CTNNA2: variants seen among roughly 807,000 people sequenced by gnomAD.
CTNNA2 encodes the protein catenin alpha 2, also known as catenin alpha-2.
CTNNA2 carries 42 observed loss-of-function variants against 101.0 expected under a neutral mutation model. The ratio of observed to expected loss-of-function variants is 0.42; its 90% CI spans 0.32 to 0.54. CTNNA2 has a LOEUF of 0.54. CTNNA2 is among the 20% of genes least tolerant of loss of function. The pLI is 0.14. For missense variants in CTNNA2, 871 were observed against 1,223.1 expected, an observed-to-expected ratio of 0.71 and a Z score of 4.29; for synonymous variants, 450 against 456.4, an observed-to-expected ratio of 0.99 and a Z score of 0.18.
At chr2:80,367,523 T>TTTTTA (rs994715673) in intron 7 of CTNNA2, among the ~76,000 whole-genome samples, 1 of 152,040 alleles carries the variant, frequency 6.6e-6, no homozygotes, top group Non-Finnish European at 1.5e-5. Flanking sequence ...TTTGTTTTAT[T>TTTTTA]TTTTATTTTA....
chr2:80,007,329 C>T (rs555141427), intron 7 of CTNNA2, among the ~76,000 whole-genome samples: 42 of 152,052 alleles, frequency 2.8e-4, no homozygotes, highest in Non-Finnish European at 5.1e-4. Context: ...TTTTCCAATT[C>T]CATCAAAACT....
intron 15 of CTNNA2, among the ~76,000 whole-genome samples, chr2:80,589,903 T>TGC (rs70940089): frequency 0.14 from 20,300 of 143,804 alleles, 1,454 homozygotes; most frequent in Admixed American, 0.16. Flanking sequence ...TGTGTGTGTG[T>TGC]GTGCGCGCGC....
At chr2:80,560,553 C>G (rs543908642) in intron 12 of CTNNA2, among the ~76,000 whole-genome samples, 19 of 152,244 alleles carry the variant, frequency 1.2e-4, no homozygotes, top group Non-Finnish European at 2.5e-4. Context: ...TTGGCATAAG[C>G]AATTATTGCC....
chr2:80,260,450 T>G (rs1441207514), intron 7 of CTNNA2, among the ~76,000 whole-genome samples: 1 of 150,494 alleles, frequency 6.6e-6, no homozygotes, highest in Non-Finnish European at 1.5e-5. Context: ...ATGGTTTGAC[T>G]GAAATGGTAA....
At chr2:79,731,374 T>G (rs1395787903) in intron 2 of CTNNA2, among the ~76,000 whole-genome samples, 1 of 152,100 alleles carries the variant, frequency 6.6e-6, no homozygotes, top group Non-Finnish European at 1.5e-5. Flanking sequence ...CAAATGTGGT[T>G]GATATCTGTT....
intron 2 of CTNNA2, among the ~76,000 whole-genome samples, chr2:79,703,958 TAA>T (rs903408816): frequency 9.2e-5 from 14 of 151,480 alleles, no homozygotes; most frequent in African/African-American, 3.4e-4. Context: ...ATTTATGTGA[TAA>T]GTTTATATCT....
chr2:79,999,419 G>A (rs1391921074), intron 7 of CTNNA2, among the ~76,000 whole-genome samples: 1 of 152,150 alleles, frequency 6.6e-6, no homozygotes, highest in African/African-American at 2.4e-5. Flanking sequence ...GCCCACAGTG[G>A]CAGGTGCAAA....
intron 6 of CTNNA2, among the ~76,000 whole-genome samples, chr2:79,897,451 A>T (rs558427980): frequency 6.6e-6 from 1 of 152,270 alleles, no homozygotes; most frequent in East Asian, 1.9e-4. Flanking sequence ...AAAAATAGCT[A>T]TTTGAAATGA....
chr2:79,515,169 C>T (rs1046051944), intron 1 of CTNNA2, among the ~76,000 whole-genome samples: 1 of 152,130 alleles, frequency 6.6e-6, no homozygotes, highest in African/African-American at 2.4e-5. Flanking sequence ...GGTTGAATTA[C>T]CAGTGTTACC....
intron 9 of CTNNA2, among the ~76,000 whole-genome samples, chr2:80,425,423 A>G (rs1054378640): frequency 6.6e-6 from 1 of 152,222 alleles, no homozygotes; most frequent in African/African-American, 2.4e-5. Context: ...ATCAATAAAA[A>G]CAGTTCTGAC....
chr2:80,132,822 A>G (rs909972235), intron 7 of CTNNA2, among the ~76,000 whole-genome samples: 2 of 152,188 alleles, frequency 1.3e-5, no homozygotes, highest in Admixed American at 1.3e-4. Context: ...AAAAAGAAAA[A>G]ATAAGTGATT....
intron 4 of CTNNA2, among the ~76,000 whole-genome samples, chr2:79,867,467 T>C (rs1200405621): frequency 2.0e-5 from 3 of 152,092 alleles, no homozygotes; most frequent in Non-Finnish European, 4.4e-5. Flanking sequence ...CAGACTTTAG[T>C]TCCATTTCCT....
intron 7 of CTNNA2, among the ~76,000 whole-genome samples, chr2:80,141,284 A>C (rs1370429960): frequency 6.6e-6 from 1 of 151,900 alleles, no homozygotes; most frequent in African/African-American, 2.4e-5. Flanking sequence ...CGGAGGCCAC[A>C]ATTCAACATG....
chr2:80,644,704 CTTA>C (rs1673873013), intron 18 of CTNNA2, among the ~76,000 whole-genome samples: 1 of 152,090 alleles, frequency 6.6e-6, no homozygotes, highest in Non-Finnish European at 1.5e-5. Flanking sequence ...TTAAATTGGG[CTTA>C]TTGTTTGTGG....
In CTNNA2 at chr2:79,598,561, G is replaced by A. The variant is rs144656361; in HGVS notation, c.-5-52991G>A. Among the ~76,000 whole-genome samples, 14 of 152,308 alleles carry A rather than the reference G, an allele frequency of 9.2e-5. No individual in the cohort carries two copies. The East Asian group carries it at 1.9e-3, about 21-fold the overall frequency. ...AATTTGCAATTCCCTGATGACATACGATGTGGAGCATCTTTTCATATGCTT... is the reference window on the plus strand; with the variant it reads ...AATTTGCAATTCCCTGATGACATACAATGTGGAGCATCTTTTCATATGCTT... On this transcript the variant is annotated intron_variant, in intron 1 of 18. Coordinates refer to ENST00000402739, the MANE Select transcript of CTNNA2 (RefSeq NM_001282597.3).
intron 9 of CTNNA2, among the ~76,000 whole-genome samples, chr2:80,505,510 A>G (rs1014999679): frequency 6.6e-6 from 1 of 152,202 alleles, no homozygotes; most frequent in Non-Finnish European, 1.5e-5. Context: ...CATATCAACA[A>G]TTGTCCACTT....
At chr2:79,791,770 C>T (rs935360803) in intron 3 of CTNNA2, among the ~76,000 whole-genome samples, 5 of 152,174 alleles carry the variant, frequency 3.3e-5, no homozygotes, top group African/African-American at 1.2e-4. Context: ...AGGAGACATC[C>T]TCCAGGTACT....
intron 9 of CTNNA2, among the ~76,000 whole-genome samples, chr2:80,534,410 G>C (rs536402824): frequency 6.7e-4 from 102 of 152,294 alleles, no homozygotes; most frequent in African/African-American, 2.1e-3. Context: ...TCATAGAACT[G>C]AGTGCCCTCC....
chr2:79,227,181 T>C (rs1201643536), intron 2 of CTNNA2, among the ~76,000 whole-genome samples: 1 of 151,966 alleles, frequency 6.6e-6, no homozygotes, highest in Non-Finnish European at 1.5e-5. Context: ...TTGACAGGGA[T>C]TGGAAAAAAA....
Sources: allele counts gnomAD v4.1 joint callset (sites outside exome capture counted in the v4.1 genomes callset), GRCh38; gene constraint gnomAD v4.1.1; transcripts MANE v1.5; gene names NCBI Gene and HGNC (gene_info 2026-07-23, HGNC 2026-07-21).